The following IKZF2 variants were observed in gnomAD, a reference collection of about 807,000 sequenced individuals.
IKZF2 encodes the protein zinc finger protein Helios.
A neutral mutation model predicts 49.2 loss-of-function variants in IKZF2; 15 were observed. The observed-to-expected ratio is 0.30, with a 90% CI of 0.20 to 0.47. The LOEUF (loss-of-function observed/expected upper bound fraction) is 0.47. Among genes scored for constraint, IKZF2 ranks in the 20% least tolerant of loss-of-function variants. The pLI is 1.00. For synonymous variants in IKZF2, 227 were observed against 221.4 expected, an observed-to-expected ratio of 1.03 and a Z score of -0.23; for missense variants, 567 against 664.6, an observed-to-expected ratio of 0.85 and a Z score of 1.61.
intron 6 of IKZF2, among the ~76,000 whole-genome samples, chr2:213,037,274 T>G (rs1163499249): frequency 2.0e-5 from 3 of 152,246 alleles, no homozygotes; most frequent in Non-Finnish European, 4.4e-5. Flanking sequence ...TAAATTGATC[T>G]TCTAAATGAC....
chr2:213,072,146 A>C (rs1480950883), intron 4 of IKZF2, among the ~76,000 whole-genome samples: 4 of 152,064 alleles, frequency 2.6e-5, no homozygotes, highest in Non-Finnish European at 5.9e-5. Flanking sequence ...GAAACAGTGA[A>C]TTCTCGCCCA....
intron 4 of IKZF2, among the ~76,000 whole-genome samples, chr2:213,100,622 T>C (rs951649314): frequency 6.6e-6 from 1 of 152,002 alleles, no homozygotes; most frequent in Non-Finnish European, 1.5e-5. Flanking sequence ...TACCGTGCAA[T>C]AGTCACTAAA....
chr2:213,141,644 C>G (rs1348693380), intron 4 of IKZF2, among the ~76,000 whole-genome samples: 1 of 151,836 alleles, frequency 6.6e-6, no homozygotes, highest in East Asian at 1.9e-4. Context: ...CAAGCAGTCT[C>G]CCCCTCTAAA....
chr2:213,099,017 A>G (rs1706331891), intron 4 of IKZF2, among the ~76,000 whole-genome samples: 1 of 152,222 alleles, frequency 6.6e-6, no homozygotes, highest in South Asian at 2.1e-4. Flanking sequence ...TAGGCAGATG[A>G]ACATCAATGA....
intron 1 of IKZF2, among the ~76,000 whole-genome samples, chr2:213,150,726 A>AGGG (rs2061257367): frequency 9.4e-6 from 1 of 105,968 alleles, no homozygotes; most frequent in African/African-American, 4.0e-5. Context: ...GGTAGAGGGG[A>AGGG]GGGACAGTCA....
At chr2:213,047,375 T>C (rs923283272) in intron 6 of IKZF2, among the ~76,000 whole-genome samples, 2 of 152,010 alleles carry the variant, frequency 1.3e-5, no homozygotes, top group Non-Finnish European at 2.9e-5. Flanking sequence ...TGGGAGGAGT[T>C]TGGGTGTGTT....
At chr2:213,151,980 G>T (rs2061296935), upstream of IKZF2, 1 of 151,748 alleles carries the variant, frequency 6.6e-6, no homozygotes, top group South Asian at 2.1e-4. Context: ...GCACTCCCTC[G>T]CGCCCACCCG....
intron 6 of IKZF2, among the ~76,000 whole-genome samples, chr2:213,031,147 CTTT>C (rs1698389701): frequency 6.6e-6 from 1 of 152,152 alleles, no homozygotes; most frequent in African/African-American, 2.4e-5. Context: ...GTTTACTCTT[CTTT>C]AACAGGATGT....
At position 213,114,214 on chromosome 2, in the gene IKZF2, TA is replaced by T. The variant is rs1486891922; in HGVS notation, c.139+33493del. Among the ~76,000 whole-genome samples, 3 of 152,266 alleles carry T rather than the reference TA, an allele frequency of 2.0e-5. No homozygotes were observed. The East Asian group carries it at 5.8e-4, about 29-fold the overall frequency. On this transcript the variant is annotated intron_variant, in intron 4 of 8. Coordinates refer to ENST00000434687, the MANE Select transcript of IKZF2 (RefSeq NM_001387220.1). Reference sequence around the variant, plus strand: ...TCTAAAATCAAATCTTCCTCTATAATAAAAAGGTGTGGATGTGTGTGTGTTA... The same window carrying T: ...TCTAAAATCAAATCTTCCTCTATAATAAAAGGTGTGGATGTGTGTGTGTTA...
chr2:213,051,270 A>G (rs1467167246), intron 5 of IKZF2, among the ~76,000 whole-genome samples: 2 of 152,014 alleles, frequency 1.3e-5, no homozygotes, highest in Non-Finnish European at 2.9e-5. Flanking sequence ...AGATAAATTT[A>G]AAAATTGGTA....
At chr2:213,103,235 T>C (rs529637640) in intron 4 of IKZF2, among the ~76,000 whole-genome samples, 1 of 152,210 alleles carries the variant, frequency 6.6e-6, no homozygotes, top group South Asian at 2.1e-4. Context: ...AATGATAAAT[T>C]GTGATAAATG....
At chr2:213,137,569 A>C (rs2060721699) in intron 4 of IKZF2, among the ~76,000 whole-genome samples, 1 of 152,056 alleles carries the variant, frequency 6.6e-6, no homozygotes, top group Admixed American at 6.6e-5. Flanking sequence ...TCAGCCCTAA[A>C]AACTATAGAA....
rs760687626 is a variant in IKZF2, at chr2:213,007,466, C to G, written c.1475G>C (p.Cys492Ser). ...TTCCAGTGGGTCCCGGTAGCCATGG[C>G]AACCCATGTGAATGGTGTACATGAC... ...DHVMYTIHMG[C>S]HGYRDPLECN... is the part of the protein sequence containing the mutation. Residue 492 changes from cysteine to serine, a missense_variant, in exon 9 of 9, where the codon TGC becomes TCC. Physicochemically the swap from Cys to Ser is moderately radical, Grantham distance 112. Around this residue, in one of 5 missense-constraint regions of IKZF2, gnomAD observed 22 missense variants for 52.3 expected, o/e 0.42. Coordinates refer to ENST00000434687, the MANE Select transcript of IKZF2 (RefSeq NM_001387220.1). 1 of 1,613,576 alleles carries G rather than the reference C, an allele frequency of 6.2e-7. No homozygotes were observed.
At chr2:213,042,504 C>G (rs1699759506) in intron 6 of IKZF2, among the ~76,000 whole-genome samples, 1 of 152,134 alleles carries the variant, frequency 6.6e-6, no homozygotes. Context: ...GTAGCAAAAC[C>G]TATTTATGCC....
chr2:213,075,017 T>C (rs1415136376), intron 4 of IKZF2, among the ~76,000 whole-genome samples: 1 of 152,176 alleles, frequency 6.6e-6, no homozygotes, highest in Non-Finnish European at 1.5e-5. Flanking sequence ...AATTCTAAAG[T>C]GGCTTTCAAA....
At position 213,143,319 on chromosome 2, in the gene IKZF2, T is replaced by C. The variant is rs1019110416; in HGVS notation, c.139+4389A>G. Among the ~76,000 whole-genome samples the C allele has an allele frequency of 6.6e-5, 10 of 152,094 alleles. No individual in the cohort carries two copies. In the East Asian group the frequency reaches 1.4e-3, roughly 21 times the overall value. ...GATGATAAGGATAATCTTTCTGCCA[T>C]ACGTTGTTTTGTTTTTTGAAAACGG... On this transcript the variant is annotated intron_variant, in intron 4 of 8. Coordinates refer to ENST00000434687, the MANE Select transcript of IKZF2 (RefSeq NM_001387220.1).
chr2:213,033,363 TGACATCTA>T (rs1333196174), intron 6 of IKZF2, among the ~76,000 whole-genome samples: 1 of 152,258 alleles, frequency 6.6e-6, no homozygotes, highest in Admixed American at 6.5e-5. Context: ...ATGTTCTCAA[TGACATCTA>T]GAATTCTGAA....
At chr2:213,078,709 G>C (rs1263738703) in intron 4 of IKZF2, among the ~76,000 whole-genome samples, 1 of 152,170 alleles carries the variant, frequency 6.6e-6, no homozygotes, top group Non-Finnish European at 1.5e-5. Flanking sequence ...AATAGAGTGA[G>C]TGGCTACCTA....
intron 4 of IKZF2, among the ~76,000 whole-genome samples, chr2:213,063,981 C>A (rs761193799): frequency 1.3e-5 from 2 of 151,976 alleles, no homozygotes; most frequent in African/African-American, 2.4e-5. Context: ...TGAATTATGA[C>A]TTTCTATCAA....
Sources: allele counts gnomAD v4.1 joint callset (sites outside exome capture counted in the v4.1 genomes callset), GRCh38; gene constraint gnomAD v4.1.1; regional missense constraint gnomAD v4.1.1; transcripts MANE v1.5; gene names NCBI Gene and HGNC (gene_info 2026-07-23, HGNC 2026-07-21).